The following MTUS2 variants were observed in gnomAD, a reference collection of about 807,000 sequenced individuals.
The protein encoded by MTUS2 is microtubule-associated tumor suppressor candidate 2.
MTUS2 carries 40 observed loss-of-function variants against 114.1 expected under a neutral mutation model. The ratio of observed to expected loss-of-function variants is 0.35; its 90% confidence interval spans 0.27 to 0.46. MTUS2 has a LOEUF of 0.46. Among genes scored for constraint, MTUS2 ranks in the 20% least tolerant of loss-of-function variants. The pLI is 1.00. For missense variants in MTUS2, 1,679 were observed against 1,705.4 expected (o/e 0.98, Z 0.27); for synonymous variants, 688 against 672.0 (o/e 1.02, Z -0.37).
intron 7 of MTUS2, among the ~76,000 whole-genome samples, chr13:29,350,960 CATATATAT>C (rs56192034): frequency 4.0e-4 from 51 of 128,472 alleles, no homozygotes; most frequent in Admixed American, 1.1e-3. Flanking sequence ...ATATATATTT[CATATATAT>C]ATATATATAT....
At chr13:29,011,372 T>G (rs1253009425) in intron 2 of MTUS2, among the ~76,000 whole-genome samples, 1 of 152,236 alleles carries the variant, frequency 6.6e-6, no homozygotes, top group Non-Finnish European at 1.5e-5. Flanking sequence ...CCCCTTGCAT[T>G]ATAGATTGGG....
intron 5 of MTUS2, among the ~76,000 whole-genome samples, chr13:29,164,491 ACTT>A (rs1566041602): frequency 6.6e-6 from 1 of 152,178 alleles, no homozygotes; most frequent in Non-Finnish European, 1.5e-5. Flanking sequence ...CTCAAAGTTG[ACTT>A]CTTTTTAAAG....
chr13:29,019,042 G>C (rs1012285505), intron 2 of MTUS2, among the ~76,000 whole-genome samples: 4 of 152,074 alleles, frequency 2.6e-5, no homozygotes, highest in African/African-American at 9.7e-5. Context: ...ACAACTGTAG[G>C]TTACTGTGTA....
intron 5 of MTUS2, among the ~76,000 whole-genome samples, chr13:29,105,431 G>C (rs1450635665): frequency 6.6e-6 from 1 of 152,116 alleles, no homozygotes; most frequent in African/African-American, 2.4e-5. Flanking sequence ...TATGTATTCT[G>C]AATAGCACTT....
At chr13:29,484,254 T>C (rs567401535) in intron 10 of MTUS2, 1 of 152,410 alleles carries the variant, frequency 6.6e-6, no homozygotes, top group African/African-American at 2.4e-5. Flanking sequence ...CCAGGATTAA[T>C]CCAAATTCAC....
chr13:29,431,160 A>G (rs929566401), intron 8 of MTUS2, among the ~76,000 whole-genome samples: 9 of 152,338 alleles, frequency 5.9e-5, no homozygotes, highest in Middle Eastern at 3.4e-3. Flanking sequence ...CGAAAACTGA[A>G]TATCAACTAA....
At chr13:29,281,681 A>G in intron 5 of MTUS2, 23 bp from the exon 6 acceptor site, 1 of 1,576,396 alleles carries the variant, frequency 6.3e-7, no homozygotes, top group Non-Finnish European at 8.6e-7. Context: ...AGTTATAATT[A>G]ACACGCTGTC....
At chr13:29,127,728 G>C (rs139303929) in intron 5 of MTUS2, among the ~76,000 whole-genome samples, 1 of 152,182 alleles carries the variant, frequency 6.6e-6, no homozygotes, top group South Asian at 2.1e-4. Context: ...TGGCTGCACC[G>C]GGCCCCGCTT....
At chr13:29,418,990 G>A (rs1875881749) in intron 8 of MTUS2, among the ~76,000 whole-genome samples, 1 of 152,192 alleles carries the variant, frequency 6.6e-6, no homozygotes, top group African/African-American at 2.4e-5. Flanking sequence ...TTGGACTCCT[G>A]AAGCTGCAAC....
At chr13:28,932,605 G>A (rs1223396695) in intron 2 of MTUS2, among the ~76,000 whole-genome samples, 46 of 152,192 alleles carry the variant, frequency 3.0e-4, no homozygotes, top group Non-Finnish European at 1.6e-4. Context: ...TCCACGGGGT[G>A]AGAAACGGGA....
At chr13:29,357,126 C>T (rs901722076) in intron 7 of MTUS2, among the ~76,000 whole-genome samples, 1 of 152,140 alleles carries the variant, frequency 6.6e-6, no homozygotes, top group East Asian at 1.9e-4. Flanking sequence ...TAGAATTTCA[C>T]TGAATCCTTT....
intron 8 of MTUS2, among the ~76,000 whole-genome samples, chr13:29,436,692 G>A (rs1407499202): frequency 2.0e-5 from 3 of 152,048 alleles, no homozygotes; most frequent in South Asian, 2.1e-4. Flanking sequence ...TTGGGTCTTC[G>A]TGATCTGTTT....
At chr13:29,364,481 C>T (rs1870538657) in intron 8 of MTUS2, among the ~76,000 whole-genome samples, 1 of 152,220 alleles carries the variant, frequency 6.6e-6, no homozygotes, top group African/African-American at 2.4e-5. Flanking sequence ...GGATTGCAAA[C>T]TCCTCATAGT....
intron 2 of MTUS2, among the ~76,000 whole-genome samples, chr13:28,982,422 T>C (rs926387012): frequency 2.0e-4 from 31 of 151,750 alleles, no homozygotes; most frequent in African/African-American, 5.8e-4. Context: ...TTGGTAGGAA[T>C]GTAAAATGCT....
At chr13:28,889,843 C>T (rs78636984) in intron 2 of MTUS2, among the ~76,000 whole-genome samples, 292 of 152,156 alleles carry the variant, frequency 1.9e-3, no homozygotes, top group Non-Finnish European at 3.4e-3. Flanking sequence ...GTGTTTTCTG[C>T]TCTTAAGTGG....
At chr13:28,892,838 C>A (rs1199540527) in intron 2 of MTUS2, among the ~76,000 whole-genome samples, 2 of 152,192 alleles carry the variant, frequency 1.3e-5, no homozygotes, top group Non-Finnish European at 2.9e-5. Context: ...GTGATGCAAG[C>A]CACAGGAGAA....
chr13:29,161,315 C>T (rs893134455), intron 5 of MTUS2, among the ~76,000 whole-genome samples: 15 of 151,838 alleles, frequency 9.9e-5, no homozygotes, highest in African/African-American at 3.4e-4. Flanking sequence ...TAGAAGATTG[C>T]GCCGTATTAA....
At chr13:29,181,761 T>A (rs1018942491) in intron 5 of MTUS2, among the ~76,000 whole-genome samples, 1 of 150,750 alleles carries the variant, frequency 6.6e-6, no homozygotes, top group African/African-American at 2.5e-5. Context: ...TAGAGCTTTT[T>A]CAGAAATCAT....
At chr13:28,843,214 G>A (rs1417879461) in intron 2 of MTUS2, among the ~76,000 whole-genome samples, 1 of 152,100 alleles carries the variant, frequency 6.6e-6, no homozygotes, top group African/African-American at 2.4e-5. Flanking sequence ...AGATGTGAGG[G>A]GATTGTTGGT....
Sources: gnomAD v4.1 joint callset for allele counts (sites outside exome capture counted in the v4.1 genomes callset) on GRCh38, gnomAD v4.1.1 for gene constraint, MANE v1.5 for transcripts, NCBI Gene and HGNC (gene_info 2026-07-23, HGNC 2026-07-21) for gene names.